TAPBPL: variants seen among roughly 807,000 people sequenced by gnomAD.
The protein encoded by TAPBPL is tapasin-related protein.
TAPBPL carries 32 observed loss-of-function variants against 44.8 expected under a neutral mutation model. The observed-to-expected ratio is 0.71, with a 90% CI of 0.54 to 0.96. The LOEUF (loss-of-function observed/expected upper bound fraction) is 0.96. Among genes scored for constraint, TAPBPL ranks in the 40% least tolerant of loss-of-function variants. The pLI, the probability that TAPBPL is intolerant of heterozygous loss-of-function variation, is 0.00. For missense variants in TAPBPL, 520 were observed against 586.6 expected (o/e 0.89, Z 1.17); for synonymous variants, 230 against 240.7 (o/e 0.96, Z 0.41).
intron 3 of TAPBPL, among the ~76,000 whole-genome samples, chr12:6,454,925 T>C (rs1949664457): frequency 6.6e-6 from 1 of 151,926 alleles, no homozygotes; most frequent in Non-Finnish European, 1.5e-5. Context: ...GGGGCAACCG[T>C]CCTATCCTTG....
downstream of TAPBPL, chr12:6,463,705 C>T (rs928248701): frequency 1.2e-5 from 14 of 1,136,610 alleles, no homozygotes; most frequent in East Asian, 4.2e-4. The surrounding 1 kb of genome is among the most constrained non-coding windows in gnomAD (Gnocchi z 4.0). Flanking sequence ...TTGGTGCCCT[C>T]ATACAGAATG....
intron 3 of TAPBPL, among the ~76,000 whole-genome samples, chr12:6,455,850 T>A (rs1242145208): frequency 6.7e-6 from 1 of 149,928 alleles, no homozygotes; most frequent in Non-Finnish European, 1.5e-5. Flanking sequence ...AACCTCTGCC[T>A]CCCAGGTTCA....
At chr12:6,465,083 T>TA (rs1217489685), downstream of TAPBPL, 7 of 1,206,854 alleles carry the variant, frequency 5.8e-6, no homozygotes, top group Non-Finnish European at 8.0e-6. Flanking sequence ...GCAGGCCTCT[T>TA]AGAGAGGCCC....
intron 1 of TAPBPL, among the ~76,000 whole-genome samples, chr12:6,452,787 TA>T (rs1215868691): frequency 4.6e-5 from 7 of 152,216 alleles, no homozygotes; most frequent in African/African-American, 1.7e-4. Flanking sequence ...ACTGAAAAGA[TA>T]GTCTTTTATT....
intron 3 of TAPBPL, among the ~76,000 whole-genome samples, chr12:6,456,118 TC>T (rs1949695468): frequency 7.9e-6 from 1 of 127,178 alleles, no homozygotes; most frequent in African/African-American, 3.0e-5. Flanking sequence ...TCTCCACTTG[TC>T]CCAATATTTT....
chr12:6,452,307 A>C lies in TAPBPL; in HGVS notation c.59A>C (p.Glu20Ala), dbSNP rs758176878. The C allele has an allele frequency of 1.1e-5, 17 of 1,574,460 alleles. No homozygotes were observed. Among genetic ancestry groups the C allele is most frequent in the Non-Finnish European group, 1.4e-5 (16 of 1,160,476 alleles). The change falls in exon 1 of 7, where the codon GAA becomes GCA. Residue 20 changes from glutamate to alanine, a missense_variant. Physicochemically the swap from Glu to Ala is moderately radical, Grantham distance 107 (BLOSUM62 -1). Transcript: ENST00000266556. ...LLCLALSGAAETKPHPAEGQW... is the reference protein window; with the variant it reads ...LLCLALSGAAATKPHPAEGQW... ...TGCCTGGCTCTATCTGGAGCAGCAG[A>C]AACCAGTGAGTCTGGGAGTCGGGGA...
chr12:6,452,153 G>A lies in TAPBPL; in HGVS notation c.-96G>A, dbSNP rs1196311099. The A allele has an allele frequency of 2.8e-6, 4 of 1,432,944 alleles. No individual in the cohort carries two copies. The highest frequency in any genetic ancestry group is 3.8e-6 in the Non-Finnish European group (4 of 1,041,492). 88.8% of individuals were successfully genotyped at this position (1,432,944 alleles called of 1,614,324 possible). A position where few individuals can be genotyped will look rare whatever the true frequency, so the allele number is the denominator to read the frequency against. On this transcript the variant is annotated 5_prime_UTR_variant, in exon 1 of 7. In the 5' UTR this introduces an upstream ATG that the reference lacks. Coordinates refer to ENST00000266556, the MANE Select transcript of TAPBPL (RefSeq NM_018009.5). The stretch of plus-strand genomic sequence containing the variant: ...ACCTAAAGGCTGCAGGCTGCCAGGT[G>A]TGCTTGGAGAGCCCCCTTCTTCCGC...
At chr12:6,457,061 G>T (rs1032393155) in intron 3 of TAPBPL, among the ~76,000 whole-genome samples, 6 of 152,192 alleles carry the variant, frequency 3.9e-5, no homozygotes, top group African/African-American at 1.4e-4. Context: ...CCAGTAAGTG[G>T]AACAACCAGG....
downstream of TAPBPL, chr12:6,466,023 G>A (rs1453559464): frequency 6.2e-7 from 1 of 1,613,932 alleles, no homozygotes; most frequent in Non-Finnish European, 8.5e-7. Flanking sequence ...CAGAAACAAA[G>A]CAGCTAAGCT....
Position 6,453,165 on chromosome 12 carries a change from G to T in TAPBPL, c.163G>T (p.Glu55Ter), listed in dbSNP as rs1359040420. The change falls in exon 2 of 7, where the codon GAG (glutamate) becomes TAG (stop). Residue 55 changes from glutamate to a stop codon, truncating the protein, a stop_gained. Coordinates refer to ENST00000266556, the MANE Select transcript of TAPBPL (RefSeq NM_018009.5). LOFTEE classifies it high-confidence loss of function. This position sits in a 1 kb window ranked among gnomAD's most constrained non-coding sequence, Gnocchi z 4.8. Reference sequence around the variant, plus strand: ...GCACCGTGGAGCTCTCGCCAGCAGTGAGGACAGGGCAAGGGCCTCCCTTGT... The same window carrying T: ...GCACCGTGGAGCTCTCGCCAGCAGTTAGGACAGGGCAAGGGCCTCCCTTGT... ...GAHRGALASS[E>*]DRARASLVLK... 5 of 1,609,252 alleles carry T rather than the reference G, an allele frequency of 3.1e-6. No homozygotes were observed. In the Admixed American group the frequency reaches 6.8e-5, roughly 22 times the overall value.
chr12:6,463,114 G>A (rs1158956255), downstream of TAPBPL: 2 of 1,502,136 alleles, frequency 1.3e-6, no homozygotes, highest in South Asian at 1.3e-5. The surrounding 1 kb of genome is among the most constrained non-coding windows in gnomAD (Gnocchi z 4.0). Flanking sequence ...AAGATAGGCT[G>A]AGCAGATCCC....
chr12:6,470,188 C>G (rs920052579), downstream of TAPBPL, among the ~76,000 whole-genome samples: 3 of 152,132 alleles, frequency 2.0e-5, no homozygotes, highest in Non-Finnish European at 4.4e-5. Flanking sequence ...CTTTCGAGTC[C>G]CCTGCCCAGT....
chr12:6,464,707 T>G, downstream of TAPBPL: 1 of 1,507,840 alleles, frequency 6.6e-7, no homozygotes, highest in Non-Finnish European at 8.8e-7. Context: ...GGGGAAGGCT[T>G]GTCCATCAAA....
chr12:6,470,019 C>T (rs1305373760), downstream of TAPBPL, among the ~76,000 whole-genome samples: 1 of 152,164 alleles, frequency 6.6e-6, no homozygotes, highest in Non-Finnish European at 1.5e-5. Context: ...GTTTCTGCAG[C>T]TTTGCTCACT....
Position 6,462,131 on chromosome 12 carries a change from T to C in TAPBPL, c.1389T>C (p.Arg463=), listed in dbSNP as rs139613151. The change falls in exon 7 of 7, where the codon CGT becomes CGC. Residue 463 remains arginine, a synonymous_variant. Coordinates refer to ENST00000266556, the MANE Select transcript of TAPBPL (RefSeq NM_018009.5). ...ATCTCCATGAAGACCGCACAGCGCG[T>C]GTAAGCCAGCCCAGCTGACCTAAAG... ...SSHLHEDRTA[R]VSQPS 748 of 1,611,830 alleles carry C rather than the reference T, an allele frequency of 4.6e-4. No homozygotes were observed. The highest frequency in any genetic ancestry group is 6.2e-4 in the Non-Finnish European group (731 of 1,178,368).
At chr12:6,458,248 C>T (rs1057191821) in intron 4 of TAPBPL, among the ~76,000 whole-genome samples, 12 of 152,094 alleles carry the variant, frequency 7.9e-5, no homozygotes, top group Non-Finnish European at 1.3e-4. Flanking sequence ...TGGTGGTGCG[C>T]GCCTGTAGTC....
intron 6 of TAPBPL, among the ~76,000 whole-genome samples, 166 bp from the exon 7 acceptor site, chr12:6,461,868 G>A (rs917352735): frequency 3.3e-5 from 5 of 152,262 alleles, no homozygotes; most frequent in Admixed American, 2.6e-4. Context: ...GGGTAAGGGG[G>A]TGTTCACTGA....
In TAPBPL at chr12:6,457,543, G is replaced by A. The variant is rs1365254534; in HGVS notation, c.703G>A (p.Gly235Ser). 1 of 1,614,116 alleles carries A rather than the reference G, an allele frequency of 6.2e-7. No homozygotes were observed. The highest frequency in any genetic ancestry group is 2.2e-5 in the East Asian group (1 of 44,898). The change falls in exon 4 of 7, where the codon GGT (glycine) becomes AGT (serine). Residue 235 changes from glycine to serine, a missense_variant. Transcript: ENST00000266556. ...VEWRLQHKGR[G>S]QLVYSWTAGQ... ...GTGGCGACTGCAGCACAAGGGCAGG[G>A]GTCAGTTGGTGTACAGCTGGACCGC...
At chr12:6,471,775 C>T in the TAPBPL span, among the ~76,000 whole-genome samples, 36,201 of 151,664 alleles carry the variant, frequency 0.24, 5,290 homozygotes, top group South Asian at 0.35. This position sits in a 1 kb window ranked among gnomAD's most constrained non-coding sequence, Gnocchi z 4.0. Context: ...TGCAGTGAGC[C>T]GAGATCACGC....
Sources: allele counts gnomAD v4.1 joint callset (sites outside exome capture counted in the v4.1 genomes callset), GRCh38; gene constraint gnomAD v4.1.1; non-coding constraint Gnocchi (gnomAD v3.1); transcripts MANE v1.5; gene names NCBI Gene and HGNC (gene_info 2026-07-23, HGNC 2026-07-21).